NTRK3: variants seen among roughly 807,000 people sequenced by gnomAD.
NTRK3 encodes the protein NT-3 growth factor receptor.
Under a neutral mutation model 91.7 loss-of-function variants are expected in NTRK3, and 24 were observed. The ratio of observed to expected loss-of-function variants is 0.26; its 90% CI spans 0.19 to 0.37. The LOEUF (loss-of-function observed/expected upper bound fraction) is 0.37. Ranked by LOEUF, NTRK3 falls within the 10% of genes least tolerant of loss-of-function variation. The probability of loss-of-function intolerance (pLI) is 1.00; values close to 1 mark genes in which losing one functional copy is unlikely to be tolerated. For synonymous variants in NTRK3, 483 were observed against 404.0 expected (o/e 1.20, Z -2.34); for missense variants, 880 against 1,068.9 (o/e 0.82, Z 2.46).
chr15:87,892,071 GC>G (rs2065879408), intron 17 of NTRK3, among the ~76,000 whole-genome samples: 1 of 101,768 alleles, frequency 9.8e-6, no homozygotes, highest in African/African-American at 3.5e-5. Context: ...TTGTCCAGTT[GC>G]CCCCATCCCC....
At chr15:87,992,727 C>T (rs2075387051) in intron 14 of NTRK3, among the ~76,000 whole-genome samples, 1 of 152,216 alleles carries the variant, frequency 6.6e-6, no homozygotes, top group Non-Finnish European at 1.5e-5. Flanking sequence ...CAGAGATGCT[C>T]AGTAATTCAT....
chr15:87,963,842 G>C (rs1187253309), intron 14 of NTRK3, among the ~76,000 whole-genome samples: 5 of 152,138 alleles, frequency 3.3e-5, no homozygotes, highest in African/African-American at 1.2e-4. Flanking sequence ...ATACCAAATA[G>C]CTTATAGGGG....
intron 13 of NTRK3, among the ~76,000 whole-genome samples, chr15:88,036,359 T>A (rs1202421778): frequency 1.3e-5 from 2 of 152,078 alleles, no homozygotes; most frequent in African/African-American, 4.8e-5. Flanking sequence ...CCACTATTGT[T>A]ATTCTACAGA....
intron 3 of NTRK3, among the ~76,000 whole-genome samples, chr15:88,215,473 C>T (rs919191792): frequency 4.6e-5 from 7 of 152,206 alleles, no homozygotes; most frequent in African/African-American, 7.2e-5. Flanking sequence ...TGAAACGTTC[C>T]GTGCTAGACA....
At position 88,240,090 on chromosome 15, in the gene NTRK3, C is replaced by T. The variant is rs1200350717; in HGVS notation, c.248+15816G>A. Among the ~76,000 whole-genome samples the T allele has an allele frequency of 1.3e-5, 2 of 152,062 alleles. No homozygotes were observed. Among genetic ancestry groups the T allele is most frequent in the Non-Finnish European group, 2.9e-5 (2 of 68,014 alleles). ...CACACACACAGGAACAAGGTTCCCA[C>T]GCACCTGTGTGCAGGAGCACAGCCC... On this transcript the variant is annotated intron_variant, in intron 3 of 18. Coordinates refer to ENST00000394480, the Ensembl canonical transcript of NTRK3. The surrounding 1 kb of genome is among the most constrained non-coding windows in gnomAD (Gnocchi z 4.9).
chr15:87,942,688 AT>A (rs1158842569), intron 14 of NTRK3, among the ~76,000 whole-genome samples: 1 of 152,138 alleles, frequency 6.6e-6, no homozygotes, highest in Non-Finnish European at 1.5e-5. Flanking sequence ...CCAAGAGCTT[AT>A]GCACCTCACA....
At chr15:88,071,088 T>A (rs1380136827) in intron 13 of NTRK3, among the ~76,000 whole-genome samples, 3 of 152,208 alleles carry the variant, frequency 2.0e-5, no homozygotes, top group African/African-American at 7.2e-5. Context: ...TCCTAACTCA[T>A]CTTCACTGAG....
chr15:87,880,257 AC>A lies in NTRK3; in HGVS notation c.2292+12del. ...CCTCCCCCAATCAAGATTCCTACGC[AC>A]CCCCTTTTTACCTCCGTGTTTGAGA... On this transcript the variant is annotated intron_variant, in intron 18 of 18. Coordinates refer to ENST00000394480, the Ensembl canonical transcript of NTRK3. 1 of 1,613,442 alleles carries A rather than the reference AC, an allele frequency of 6.2e-7. No homozygotes were observed. Among genetic ancestry groups the A allele is most frequent in the Middle Eastern group, 1.7e-4 (1 of 6,030 alleles).
At chr15:88,166,391 C>T (rs2044949001) in intron 5 of NTRK3, among the ~76,000 whole-genome samples, 1 of 152,150 alleles carries the variant, frequency 6.6e-6, no homozygotes, top group Admixed American at 6.5e-5. Context: ...TTGCTTGTGC[C>T]AAGGCAGTGG....
At chr15:87,890,705 A>C (rs1323614190) in intron 17 of NTRK3, among the ~76,000 whole-genome samples, 1 of 152,176 alleles carries the variant, frequency 6.6e-6, no homozygotes, top group Non-Finnish European at 1.5e-5. Flanking sequence ...GTCTTCTCAC[A>C]TAACGCCAAT....
intron 13 of NTRK3, among the ~76,000 whole-genome samples, chr15:88,037,091 C>A (rs1457398900): frequency 2.6e-5 from 4 of 152,116 alleles, no homozygotes; most frequent in Non-Finnish European, 5.9e-5. Flanking sequence ...CACAGACTCC[C>A]AAGCCACAGG....
intron 14 of NTRK3, among the ~76,000 whole-genome samples, chr15:87,962,903 T>C (rs932055480): frequency 1.3e-5 from 2 of 152,214 alleles, no homozygotes; most frequent in Non-Finnish European, 2.9e-5. Flanking sequence ...ATTTCTGGAC[T>C]GTGCAGCTCA....
chr15:88,213,495 CCAGACAGA>C (rs57605751), intron 3 of NTRK3, among the ~76,000 whole-genome samples: 6 of 151,860 alleles, frequency 4.0e-5, no homozygotes, highest in East Asian at 1.9e-4. Flanking sequence ...AGACTAAGGC[CCAGACAGA>C]CAGACAGACA....
chr15:88,135,189 G>A, exon 10 of NTRK3: 2 of 1,614,266 alleles, frequency 1.2e-6, no homozygotes, highest in South Asian at 2.2e-5. Context: ...AGTTGCCATT[G>A]TTGTAGTGGG....
At chr15:88,100,862 A>G (rs958508151) in intron 13 of NTRK3, among the ~76,000 whole-genome samples, 1 of 152,344 alleles carries the variant, frequency 6.6e-6, no homozygotes, top group East Asian at 1.9e-4. Context: ...TACAAAAATT[A>G]ATTCAAGTTG....
At chr15:87,899,473 G>A (rs2066324319) in intron 17 of NTRK3, among the ~76,000 whole-genome samples, 1 of 150,816 alleles carries the variant, frequency 6.6e-6, no homozygotes, top group South Asian at 2.1e-4. Flanking sequence ...ATTGCAGGTT[G>A]GACAGATCAG....
At chr15:88,004,748 C>A (rs1022883603) in intron 14 of NTRK3, among the ~76,000 whole-genome samples, 3 of 151,980 alleles carry the variant, frequency 2.0e-5, no homozygotes, top group Non-Finnish European at 4.4e-5. Context: ...AGAGGCCAAA[C>A]TTAAAAGCTC....
At chr15:87,958,749 G>A (rs1023621446) in intron 14 of NTRK3, among the ~76,000 whole-genome samples, 1 of 151,936 alleles carries the variant, frequency 6.6e-6, no homozygotes, top group Non-Finnish European at 1.5e-5. Context: ...TCTCTCACCT[G>A]GGCAGGGGTC....
In NTRK3 at chr15:88,164,532, T is replaced by A. The variant is rs1440423243; in HGVS notation, c.396-17129A>T. 2.0e-5 allele frequency among the ~76,000 whole-genome samples: 3 copies of A among 152,200 alleles called. No individual in the cohort carries two copies. In the East Asian group the frequency reaches 5.8e-4, roughly 29 times the overall value. On this transcript the variant is annotated intron_variant, in intron 5 of 18. Transcript: ENST00000394480. ...GAGTACATCTGACAGCTATCTTTAC[T>A]GCCAAAGCCCATGTTGTTTTGTTCC...
Sources: gnomAD v4.1 joint callset for allele counts (sites outside exome capture counted in the v4.1 genomes callset) on GRCh38, gnomAD v4.1.1 for gene constraint, Gnocchi (gnomAD v3.1) non-coding constraint, MANE v1.5 for transcripts, NCBI Gene and HGNC (gene_info 2026-07-23, HGNC 2026-07-21) for gene names.